Variants in TAFA2 observed in about 807,000 individuals in gnomAD.
TAFA2 encodes chemokine-like protein TAFA-2.
TAFA2 carries 7 observed loss-of-function variants against 18.8 expected under a neutral mutation model. The observed-to-expected ratio is 0.37, with a 90% CI of 0.21 to 0.70. TAFA2 has a LOEUF of 0.70. TAFA2 is among the 30% of genes least tolerant of loss of function. The pLI is 0.53. For missense variants in TAFA2, 122 were observed against 158.1 expected (o/e 0.77, Z 1.23); for synonymous variants, 60 against 54.2 (o/e 1.11, Z -0.47).
rs764871442 is a variant in TAFA2 at position 61,754,986 on chromosome 12, G to C, written c.145C>G (p.Leu49Val). The change falls in exon 3 of 5, where the codon CTC (leucine) becomes GTC (valine). Residue 49 changes from leucine to valine, a missense_variant. This residue lies in a region of TAFA2 where 62 missense variants were observed against 55.5 expected (regional missense o/e 1.12). Coordinates refer to ENST00000416284, the MANE Select transcript of TAFA2 (RefSeq NM_178539.5). ...TTGTTCTTATTACAGCATCTGTGGA[G>C]TGCCACCACCTCACAAGTTCCCGTT... ...VKTGTCEVVA[L>V]HRCCNKNKIE... 6.2e-7 allele frequency: 1 copy of C among 1,612,918 alleles called. No homozygotes were observed. The highest frequency in any genetic ancestry group is 1.1e-5 in the South Asian group (1 of 91,052).
upstream of TAFA2, among the ~76,000 whole-genome samples, chr12:62,195,951 G>A (rs1157906344): frequency 6.6e-6 from 1 of 152,126 alleles, no homozygotes; most frequent in Non-Finnish European, 1.5e-5. Context: ...TCCAATATAA[G>A]GATGTTTATT....
intron 1 of TAFA2, among the ~76,000 whole-genome samples, chr12:61,903,258 C>G (rs1404967911): frequency 1.4e-5 from 2 of 147,926 alleles, no homozygotes; most frequent in Non-Finnish European, 3.0e-5. Flanking sequence ...TTCTGCCTCT[C>G]CCATTTGACC....
chr12:61,806,541 A>C (rs1871620720), intron 2 of TAFA2, among the ~76,000 whole-genome samples: 1 of 152,222 alleles, frequency 6.6e-6, no homozygotes, highest in Non-Finnish European at 1.5e-5. Flanking sequence ...TGCTGAACAG[A>C]TACCCAAAAA....
At chr12:61,867,703 T>C (rs1300003339) in intron 1 of TAFA2, among the ~76,000 whole-genome samples, 3 of 152,144 alleles carry the variant, frequency 2.0e-5, no homozygotes, top group African/African-American at 4.8e-5. Context: ...AATATTATCA[T>C]ATTTCTCTCC....
chr12:61,782,901 C>T (rs1022562176), intron 2 of TAFA2, among the ~76,000 whole-genome samples: 1 of 151,674 alleles, frequency 6.6e-6, no homozygotes, highest in African/African-American at 2.4e-5. Context: ...GACTTTAAAA[C>T]TGTTTCCCCT....
At chr12:61,794,567 C>T (rs1871114455) in intron 2 of TAFA2, among the ~76,000 whole-genome samples, 1 of 151,952 alleles carries the variant, frequency 6.6e-6, no homozygotes, top group Non-Finnish European at 1.5e-5. Flanking sequence ...GGTTAGAATA[C>T]TTAATATTAT....
intron 1 of TAFA2, among the ~76,000 whole-genome samples, chr12:62,149,470 T>C (rs763132896): frequency 6.6e-6 from 1 of 151,744 alleles, no homozygotes. Flanking sequence ...GCTTTATATA[T>C]CAGGCTTCTA....
intron 2 of TAFA2, among the ~76,000 whole-genome samples, chr12:61,800,089 A>C (rs2120965404): frequency 6.6e-6 from 1 of 152,360 alleles, no homozygotes; most frequent in South Asian, 2.1e-4. Context: ...TTATATAATT[A>C]GTTGAAATGA....
chr12:62,091,585 C>A, intron 1 of TAFA2, among the ~76,000 whole-genome samples: 1 of 151,928 alleles, frequency 6.6e-6, no homozygotes, highest in African/African-American at 2.4e-5. Context: ...GCTAGAACAT[C>A]ACAACTGATA....
intron 4 of TAFA2, among the ~76,000 whole-genome samples, chr12:61,743,451 C>A (rs1450594033): frequency 6.6e-6 from 1 of 152,054 alleles, no homozygotes; most frequent in Non-Finnish European, 1.5e-5. Flanking sequence ...TAATTTAACG[C>A]ATATTGCTCC....
chr12:62,130,698 T>A (rs1870647356), intron 1 of TAFA2, among the ~76,000 whole-genome samples: 1 of 151,968 alleles, frequency 6.6e-6, no homozygotes, highest in Non-Finnish European at 1.5e-5. Flanking sequence ...TATTACATGC[T>A]CCACATAATG....
chr12:61,814,778 C>A (rs1282140795), intron 2 of TAFA2, among the ~76,000 whole-genome samples: 1 of 150,938 alleles, frequency 6.6e-6, no homozygotes, highest in African/African-American at 2.5e-5. Flanking sequence ...GGTCAGAGTC[C>A]GAAAAGGCAA....
At chr12:62,121,775 A>G (rs1214414974) in intron 1 of TAFA2, among the ~76,000 whole-genome samples, 1 of 152,224 alleles carries the variant, frequency 6.6e-6, no homozygotes, top group Non-Finnish European at 1.5e-5. Flanking sequence ...TGACCAAGGT[A>G]GACATAACCC....
chr12:62,193,126 C>T (rs1413738421), upstream of TAFA2, among the ~76,000 whole-genome samples: 1 of 152,100 alleles, frequency 6.6e-6, no homozygotes, highest in Admixed American at 6.6e-5. Flanking sequence ...TGCATATGAG[C>T]TCAAATGAAG....
At chr12:61,893,609 A>T (rs567332509) in intron 1 of TAFA2, among the ~76,000 whole-genome samples, 1 of 152,172 alleles carries the variant, frequency 6.6e-6, no homozygotes, top group Admixed American at 6.5e-5. Flanking sequence ...AGTGGAGACA[A>T]CTCTTCCATT....
At chr12:61,963,719 A>G (rs1423041045) in intron 1 of TAFA2, among the ~76,000 whole-genome samples, 1 of 151,998 alleles carries the variant, frequency 6.6e-6, no homozygotes, top group African/African-American at 2.4e-5. Flanking sequence ...ACATAATTAG[A>G]AAAAACTACT....
chr12:62,249,967 C>T (rs2062904717), intron 1 of TAFA2, among the ~76,000 whole-genome samples: 1 of 152,054 alleles, frequency 6.6e-6, no homozygotes, highest in Non-Finnish European at 1.5e-5. Flanking sequence ...TGTCTTAGTC[C>T]ATTTAGTGTT....
intron 1 of TAFA2, among the ~76,000 whole-genome samples, chr12:62,157,488 C>T (rs551434498): frequency 4.2e-4 from 64 of 152,288 alleles, no homozygotes; most frequent in Middle Eastern, 3.4e-3. Flanking sequence ...TGGAAAGCAT[C>T]TGAAAACACC....
intron 2 of TAFA2, among the ~76,000 whole-genome samples, chr12:61,770,431 G>T (rs529841185): frequency 6.6e-6 from 1 of 152,170 alleles, no homozygotes; most frequent in East Asian, 1.9e-4. Context: ...TAGTTACATA[G>T]TCATCAGGTT....
Sources: allele counts gnomAD v4.1 joint callset (sites outside exome capture counted in the v4.1 genomes callset), GRCh38; gene constraint gnomAD v4.1.1; regional missense constraint gnomAD v4.1.1; transcripts MANE v1.5; gene names NCBI Gene and HGNC (gene_info 2026-07-23, HGNC 2026-07-21).